The following ITGA4 variants were observed in gnomAD, a reference collection of about 807,000 sequenced individuals.
The protein encoded by ITGA4 is integrin alpha-4.
Under a neutral mutation model 133.6 loss-of-function variants are expected in ITGA4, and 63 were observed. The observed-to-expected ratio is 0.47, with a 90% confidence interval of 0.38 to 0.58. ITGA4 has a LOEUF of 0.58. Among genes scored for constraint, ITGA4 ranks in the 20% least tolerant of loss-of-function variants. ITGA4 has a pLI of 0.00. For synonymous variants in ITGA4, 483 were observed against 438.0 expected (o/e 1.10, Z -1.28); for missense variants, 1,076 against 1,252.7 (o/e 0.86, Z 2.13).
At position 181,485,968 on chromosome 2, in the gene ITGA4, G is replaced by A. The variant is rs200585256; in HGVS notation, c.1129G>A (p.Asp377Asn). The change falls in exon 10 of 28, where the codon GAC becomes AAC. Residue 377 changes from aspartate to asparagine, a missense_variant. This residue lies in a region of ITGA4 where 436 missense variants were observed against 590.7 expected (regional missense o/e 0.74). Coordinates refer to ENST00000397033, the MANE Select transcript of ITGA4 (RefSeq NM_000885.6). Reference protein sequence around the residue: ...RFGESIVNLGDIDNDGFEDVA... With the variant: ...RFGESIVNLGNIDNDGFEDVA... The stretch of plus-strand genomic sequence containing the variant: ...TGGGGAATCTATAGTTAATCTTGGC[G>A]ACATTGACAATGATGGCTTTGAAGG... 2.5e-6 allele frequency: 4 copies of A among 1,596,970 alleles called. No individual in the cohort carries two copies. Among genetic ancestry groups the A allele is most frequent in the African/African-American group, 1.4e-5 (1 of 73,856 alleles).
At chr2:181,504,372 C>A (rs920504277) in intron 15 of ITGA4, among the ~76,000 whole-genome samples, 1 of 151,760 alleles carries the variant, frequency 6.6e-6, no homozygotes, top group Admixed American at 6.6e-5. Context: ...ATCTTTTTTC[C>A]ATAGTAGTTT....
rs200858721 is a variant in ITGA4 at position 181,524,247 on chromosome 2, C to T, written c.2246C>T (p.Thr749Ile). The change falls in exon 20 of 28, where the codon ACC (threonine) becomes ATC (isoleucine). Residue 749 changes from threonine to isoleucine, a missense_variant. Transcript: ENST00000397033. ...GACCTCAGTATCACAGTGCATGCTA[C>T]CTGGTATAATTTATTGTTAATAAAA... is the stretch of plus-strand genomic sequence containing the variant. The part of the protein sequence containing the change: ...EEDLSITVHA[T>I]CENEEEMDNL... The T allele has an allele frequency of 1.3e-6, 2 of 1,542,100 alleles. No individual in the cohort carries two copies. The highest frequency in any genetic ancestry group is 1.8e-6 in the Non-Finnish European group (2 of 1,132,978).
chr2:181,507,324 A>G (rs1035125727), intron 15 of ITGA4, among the ~76,000 whole-genome samples: 2 of 152,122 alleles, frequency 1.3e-5, no homozygotes, highest in African/African-American at 4.8e-5. Context: ...TAGATTTCTC[A>G]TCGACATGTC....
At chr2:181,488,049 T>C (rs1351791609) in intron 10 of ITGA4, among the ~76,000 whole-genome samples, 1 of 152,258 alleles carries the variant, frequency 6.6e-6, no homozygotes, top group Non-Finnish European at 1.5e-5. Context: ...ATTTTTACTC[T>C]TTTGAATGTG....
intron 2 of ITGA4, among the ~76,000 whole-genome samples, chr2:181,467,933 G>T (rs1685459798): frequency 6.6e-6 from 1 of 152,212 alleles, no homozygotes; most frequent in Non-Finnish European, 1.5e-5. Context: ...GAGTTAATGT[G>T]TATGATTACA....
intron 17 of ITGA4, among the ~76,000 whole-genome samples, chr2:181,513,688 CAGGAAGTTTTTCATCAATGGCTGAAT>C (rs941550843): frequency 6.6e-6 from 1 of 152,084 alleles, no homozygotes; most frequent in Non-Finnish European, 1.5e-5. Flanking sequence ...ACCAATTCCC[CAGGAAGTTTTTCATCAATGGCTGAAT>C]ACTTATGGTG....
chr2:181,509,353 A>G (rs777692729), intron 15 of ITGA4, among the ~76,000 whole-genome samples: 1 of 151,980 alleles, frequency 6.6e-6, no homozygotes, highest in African/African-American at 2.4e-5. Flanking sequence ...TATAATATCA[A>G]GTTATCTTTT....
At chr2:181,500,712 C>G (rs1686249356) in intron 15 of ITGA4, among the ~76,000 whole-genome samples, 1 of 152,104 alleles carries the variant, frequency 6.6e-6, no homozygotes, top group Non-Finnish European at 1.5e-5. Flanking sequence ...GTTGGTTGGA[C>G]ATGGTTTACT....
In ITGA4 at chr2:181,482,583, G is replaced by C. The variant is rs200311535; in HGVS notation, c.973G>C (p.Val325Leu). The change falls in exon 9 of 28, where the codon GTG (valine) becomes CTG (leucine). Residue 325 changes from valine (V) to leucine (L), a missense_variant. This residue lies in a region of ITGA4 where 436 missense variants were observed against 590.7 expected (regional missense o/e 0.74). Transcript: ENST00000397033. ...TGCAGATGGCTTCTCAGATCTGCTC[G>C]TGGGAGCACCCATGCAGAGCACCAT... The part of the protein sequence containing the change: ...LNADGFSDLL[V>L]GAPMQSTIRE... 1.9e-6 allele frequency: 3 copies of C among 1,613,702 alleles called. No homozygotes were observed. Among genetic ancestry groups the C allele is most frequent in the Non-Finnish European group, 2.5e-6 (3 of 1,179,712 alleles).
chr2:181,465,942 A>G (rs1685401115), intron 2 of ITGA4, among the ~76,000 whole-genome samples: 1 of 152,144 alleles, frequency 6.6e-6, no homozygotes, highest in African/African-American at 2.4e-5. Flanking sequence ...GTGAGTTAAT[A>G]CATGTCTTTG....
At position 181,481,700 on chromosome 2, in the gene ITGA4, T is replaced by C; in HGVS notation, c.840+17T>C. ...ATTGGTAAGGTAAGAATTACATTTT[T>C]ATATTTATTTCTTCACAAAGGTTCA... On this transcript the variant is annotated intron_variant, in intron 7 of 27. Coordinates refer to ENST00000397033, the MANE Select transcript of ITGA4 (RefSeq NM_000885.6). 7.5e-7 allele frequency: 1 copy of C among 1,339,780 alleles called. No individual in the cohort carries two copies. The highest frequency in any genetic ancestry group is 1.1e-6 in the Non-Finnish European group (1 of 942,410). The allele number at this position is 1,339,780 out of a possible 1,614,324, so 83.0% of individuals were successfully genotyped here. A position where few individuals can be genotyped will look rare whatever the true frequency, so the allele number is the denominator to read the frequency against.
intron 17 of ITGA4, 88 bp downstream of exon 17, chr2:181,511,863 G>A: frequency 1.5e-6 from 1 of 667,104 alleles, no homozygotes. Flanking sequence ...AAAGGAACAA[G>A]AGCTAACCCT....
chr2:181,470,293 T>C (rs921590015), intron 2 of ITGA4, among the ~76,000 whole-genome samples: 1 of 147,588 alleles, frequency 6.8e-6, no homozygotes, highest in Non-Finnish European at 1.5e-5. Flanking sequence ...TTTCTTGCAA[T>C]TTTTTTTTTA....
At chr2:181,529,210 T>C (rs1686891157) in intron 22 of ITGA4, among the ~76,000 whole-genome samples, 1 of 151,690 alleles carries the variant, frequency 6.6e-6, no homozygotes, top group Admixed American at 6.6e-5. Flanking sequence ...AACCAAATGA[T>C]ATTTTTAAAA....
chr2:181,537,040 T>C lies in ITGA4; in HGVS notation c.*1513T>C, dbSNP rs1034629062. The C allele has an allele frequency of 6.7e-6, 3 of 444,700 alleles. No individual in the cohort carries two copies. The highest frequency in any genetic ancestry group is 1.4e-4 in the East Asian group (2 of 14,324). The allele number at this position is 444,700 out of a possible 1,614,324, so 27.5% of individuals were successfully genotyped here. A position where few individuals can be genotyped will look rare whatever the true frequency, so the allele number is the denominator to read the frequency against. ...AATGTTCTGAGATTTGCGAAGGCATTTGAGTAGTGAAATGTAAGCACAAAA... is the reference window on the plus strand; with the variant it reads ...AATGTTCTGAGATTTGCGAAGGCATCTGAGTAGTGAAATGTAAGCACAAAA... On this transcript the variant is annotated 3_prime_UTR_variant, in exon 28 of 28. Coordinates refer to ENST00000397033, the MANE Select transcript of ITGA4 (RefSeq NM_000885.6).
chr2:181,529,196 T>G (rs891589246), intron 22 of ITGA4, among the ~76,000 whole-genome samples: 4 of 152,152 alleles, frequency 2.6e-5, no homozygotes, highest in African/African-American at 9.7e-5. Flanking sequence ...GCCTACCTCA[T>G]GAGAACCAAA....
chr2:181,506,570 G>GA (rs1211521773), intron 15 of ITGA4, among the ~76,000 whole-genome samples: 1 of 151,954 alleles, frequency 6.6e-6, no homozygotes, highest in East Asian at 1.9e-4. Context: ...AATGAAAAGA[G>GA]AAAAAAGATT....
chr2:181,525,378 G>T, intron 21 of ITGA4, 87 bp downstream of exon 21: 2 of 674,094 alleles, frequency 3.0e-6, no homozygotes, highest in Non-Finnish European at 5.1e-6. Context: ...CTGTATTCTA[G>T]AATTTTTTTA....
intron 9 of ITGA4, 59 bp from the exon 10 acceptor site, chr2:181,485,822 A>G: frequency 3.6e-6 from 5 of 1,388,910 alleles, no homozygotes; most frequent in Non-Finnish European, 5.0e-6. Flanking sequence ...ACAACAGTAA[A>G]TCGTGTAAAG....
Sources: allele counts gnomAD v4.1 joint callset (sites outside exome capture counted in the v4.1 genomes callset), GRCh38; gene constraint gnomAD v4.1.1; regional missense constraint gnomAD v4.1.1; transcripts MANE v1.5; gene names NCBI Gene and HGNC (gene_info 2026-07-23, HGNC 2026-07-21).